The following RETREG1 variants were observed in gnomAD, a reference collection of about 807,000 sequenced individuals.
The protein encoded by RETREG1 is reticulophagy regulator 1.
RETREG1 carries 44 observed loss-of-function variants against 54.8 expected under a neutral mutation model. The ratio of observed to expected loss-of-function variants is 0.80; its 90% CI spans 0.63 to 1.03. The LOEUF (loss-of-function observed/expected upper bound fraction) is 1.03. Among genes scored for constraint, RETREG1 ranks in the 50% least tolerant of loss-of-function variants. The pLI, the probability that RETREG1 is intolerant of heterozygous loss-of-function variation, is 0.00. For missense variants in RETREG1, 554 were observed against 605.1 expected, an observed-to-expected ratio of 0.92 and a Z score of 0.89; for synonymous variants, 217 against 238.5, an observed-to-expected ratio of 0.91 and a Z score of 0.83.
intron 3 of RETREG1, among the ~76,000 whole-genome samples, chr5:16,553,175 C>A (rs1991469): frequency 6.6e-6 from 1 of 150,746 alleles, no homozygotes; most frequent in South Asian, 2.1e-4. Flanking sequence ...AGAAACAGTG[C>A]ACACTATGGA....
chr5:16,509,642 T>C (rs888524387), intron 3 of RETREG1, among the ~76,000 whole-genome samples: 2 of 151,928 alleles, frequency 1.3e-5, no homozygotes, highest in Admixed American at 6.6e-5. Context: ...TTTTTTTTTC[T>C]TGACTAGGAA....
intron 3 of RETREG1, among the ~76,000 whole-genome samples, chr5:16,492,754 T>A (rs1452267231): frequency 2.6e-5 from 4 of 152,224 alleles, no homozygotes; most frequent in African/African-American, 9.6e-5. Context: ...TGTTCCTCTG[T>A]GTGTAGGTGC....
At chr5:16,606,756 C>A (rs1743202006) in intron 1 of RETREG1, among the ~76,000 whole-genome samples, 1 of 152,234 alleles carries the variant, frequency 6.6e-6, no homozygotes, top group African/African-American at 2.4e-5. Flanking sequence ...CTCAGCCTCT[C>A]TGCACCACCA....
chr5:16,616,545 T>C, intron 1 of RETREG1, 107 bp downstream of exon 1: 1 of 1,494,608 alleles, frequency 6.7e-7, no homozygotes, highest in Non-Finnish European at 8.9e-7. Flanking sequence ...CTGACAATTC[T>C]TCCTCCGCAG....
intron 3 of RETREG1, among the ~76,000 whole-genome samples, chr5:16,516,752 T>C (rs1740368065): frequency 6.6e-6 from 1 of 152,098 alleles, no homozygotes. Flanking sequence ...CTAAATGTTT[T>C]TTCACAAGAC....
chr5:16,494,126 C>G (rs1222372039), intron 3 of RETREG1, among the ~76,000 whole-genome samples: 1 of 152,196 alleles, frequency 6.6e-6, no homozygotes, highest in Non-Finnish European at 1.5e-5. Context: ...CTAAGAGAAT[C>G]AGACCCTTAT....
chr5:16,523,519 C>T (rs769141160), intron 3 of RETREG1, among the ~76,000 whole-genome samples: 4 of 152,062 alleles, frequency 2.6e-5, no homozygotes, highest in South Asian at 4.2e-4. Context: ...CATCATATTT[C>T]GGGGCTCACG....
chr5:16,486,553 C>T (rs989452602), intron 3 of RETREG1, among the ~76,000 whole-genome samples: 4 of 152,188 alleles, frequency 2.6e-5, no homozygotes, highest in African/African-American at 4.8e-5. Context: ...AGGTGAGGAA[C>T]GTGAAATCCA....
At chr5:16,480,533 CA>C (rs1207712901) in intron 5 of RETREG1, among the ~76,000 whole-genome samples, 2 of 152,022 alleles carry the variant, frequency 1.3e-5, no homozygotes, top group Non-Finnish European at 2.9e-5. Flanking sequence ...AACTGTTATC[CA>C]AAGTGATTTT....
chr5:16,579,493 A>G (rs1012670937), intron 1 of RETREG1, among the ~76,000 whole-genome samples: 7 of 152,194 alleles, frequency 4.6e-5, no homozygotes, highest in Non-Finnish European at 8.8e-5. Context: ...TATATATTTT[A>G]GAGCAGTTTT....
intron 1 of RETREG1, 141 bp downstream of exon 1, chr5:16,616,511 G>T: frequency 7.1e-7 from 1 of 1,402,204 alleles, no homozygotes; most frequent in Admixed American, 2.4e-5. Context: ...GTTCGAGACA[G>T]GTGGCCGAGA....
chr5:16,525,393 C>A (rs1423034703), intron 3 of RETREG1, among the ~76,000 whole-genome samples: 1 of 152,192 alleles, frequency 6.6e-6, no homozygotes, highest in African/African-American at 2.4e-5. Flanking sequence ...CCCTTCCCCC[C>A]CGCCACGAAA....
At chr5:16,486,812 T>C (rs1456913151) in intron 3 of RETREG1, among the ~76,000 whole-genome samples, 1 of 152,142 alleles carries the variant, frequency 6.6e-6, no homozygotes, top group Non-Finnish European at 1.5e-5. Flanking sequence ...GACCAACCCT[T>C]TCCAGGAAAA....
chr5:16,514,739 G>A (rs769352167), intron 3 of RETREG1, among the ~76,000 whole-genome samples: 2 of 151,376 alleles, frequency 1.3e-5, no homozygotes, highest in South Asian at 2.1e-4. Flanking sequence ...ATGCCTCTGC[G>A]TCCTCATAGC....
At chr5:16,535,529 G>A (rs577055477) in intron 3 of RETREG1, among the ~76,000 whole-genome samples, 2 of 151,952 alleles carry the variant, frequency 1.3e-5, no homozygotes, top group Non-Finnish European at 2.9e-5. Flanking sequence ...ATTCCTGCGT[G>A]CATGCTGCCT....
At chr5:16,595,613 A>AG (rs1456093814) in intron 1 of RETREG1, among the ~76,000 whole-genome samples, 1 of 152,232 alleles carries the variant, frequency 6.6e-6, no homozygotes, top group Non-Finnish European at 1.5e-5. Flanking sequence ...CGTCATTAAG[A>AG]AGGCTACACT....
chr5:16,566,224 T>C (rs1298065265), intron 2 of RETREG1, among the ~76,000 whole-genome samples: 4 of 151,388 alleles, frequency 2.6e-5, no homozygotes, highest in African/African-American at 9.7e-5. Context: ...ATAATAGAAA[T>C]GGCATTTAAG....
At chr5:16,558,074 T>A (rs1467079981) in intron 3 of RETREG1, among the ~76,000 whole-genome samples, 1 of 150,558 alleles carries the variant, frequency 6.6e-6, no homozygotes, top group Non-Finnish European at 1.5e-5. Context: ...TAAAAAGAAA[T>A]AAGAAAAAAA....
rs554026731 is a variant in RETREG1, at chr5:16,509,829, T to C, written c.459-26357A>G. On this transcript the variant is annotated intron_variant, in intron 3 of 8. Transcript: ENST00000306320. ...CTGGGCAACACAATGAGACCCCATC[T>C]CTACCAAAAATAAAATTAGCCGGGC... Among the ~76,000 whole-genome samples, 702 of 152,212 alleles carry C rather than the reference T, an allele frequency of 4.6e-3. 3 individuals are homozygous for C. The highest frequency in any genetic ancestry group is 7.6e-3 in the Non-Finnish European group (518 of 68,004).
Sources: allele counts gnomAD v4.1 joint callset (sites outside exome capture counted in the v4.1 genomes callset), GRCh38; gene constraint gnomAD v4.1.1; transcripts MANE v1.5; gene names NCBI Gene and HGNC (gene_info 2026-07-23, HGNC 2026-07-21).